The following GATD3 variants were observed in gnomAD, a reference collection of about 807,000 sequenced individuals.
GATD3 encodes the protein glutamine amidotransferase class 1 domain containing 3.
chr21:44,143,984 C>T, the GATD3 span, among the ~76,000 whole-genome samples: 40 of 59,262 alleles, frequency 6.7e-4, 18 homozygotes, highest in Non-Finnish European at 1.9e-3. Flanking sequence ...GAGGGAGGCT[C>T]CTGGAAGGCC....
At chr21:44,141,411 AAC>A in the GATD3 span, 1 of 20,006 alleles carries the variant, frequency 5.0e-5, no homozygotes, top group East Asian at 2.2e-3. Flanking sequence ...ATCTCGATGA[AAC>A]AAGACAGCCC....
At chr21:44,144,216 A>G in the GATD3 span, among the ~76,000 whole-genome samples, 9 of 60,154 alleles carry the variant, frequency 1.5e-4, 3 homozygotes, top group African/African-American at 3.7e-4. Context: ...GCAGGAGCGC[A>G]GTGCAAGGCT....
the GATD3 span, among the ~76,000 whole-genome samples, chr21:44,139,406 C>CT: frequency 2.8e-5 from 1 of 35,684 alleles, no homozygotes; most frequent in African/African-American, 5.6e-5. Flanking sequence ...GACTGCGTTT[C>CT]TTTTTTTGGG....
At chr21:44,139,634 T>C in the GATD3 span, among the ~76,000 whole-genome samples, 6 of 73,970 alleles carry the variant, frequency 8.1e-5, 3 homozygotes, top group Non-Finnish European at 2.7e-4. Context: ...TCCCCAAAAC[T>C]GCCCTCTGAC....
chr21:44,144,133 A>G, the GATD3 span, among the ~76,000 whole-genome samples: 6 of 55,302 alleles, frequency 1.1e-4, 1 homozygote. Context: ...GTTCCTCTCA[A>G]TGGGGCAGCT....
chr21:44,139,618 G>T, the GATD3 span, among the ~76,000 whole-genome samples: 2 of 73,818 alleles, frequency 2.7e-5, 1 homozygote, highest in African/African-American at 5.9e-5. Context: ...CGGGTTGAGG[G>T]CTCCGTCCCC....
chr21:44,142,973 C>T, the GATD3 span, among the ~76,000 whole-genome samples: 1 of 21,796 alleles, frequency 4.6e-5, no homozygotes, highest in African/African-American at 8.0e-5. Context: ...GCTTGAGTGC[C>T]TGCAGGGCGT....
chr21:44,137,973 C>T, the GATD3 span, among the ~76,000 whole-genome samples: 1 of 18,122 alleles, frequency 5.5e-5, no homozygotes, highest in African/African-American at 1.0e-4. Flanking sequence ...CCTGAGCCAC[C>T]GCGCCTGGCC....
At chr21:44,144,159 G>GCTTCAGACGTCAGGCCC in the GATD3 span, among the ~76,000 whole-genome samples, 7 of 56,360 alleles carry the variant, frequency 1.2e-4, 3 homozygotes, top group Admixed American at 1.0e-3. Flanking sequence ...CTCACAGGCA[G>GCTTCAGACGTCAGGCCC]CTTCAGACGT....
chr21:44,137,889 T>C, the GATD3 span, among the ~76,000 whole-genome samples: 2 of 34,332 alleles, frequency 5.8e-5, 1 homozygote, highest in African/African-American at 1.2e-4. Context: ...TTTGGCCATG[T>C]ATGTAGCCCA....
the GATD3 span, among the ~76,000 whole-genome samples, chr21:44,144,167 C>T: frequency 3.5e-5 from 2 of 56,540 alleles, 1 homozygote; most frequent in African/African-American, 9.2e-5. Context: ...CAGCTTCAGA[C>T]GTCAGGCCCC....
At chr21:44,141,929 G>T in the GATD3 span, among the ~76,000 whole-genome samples, 3 of 43,694 alleles carry the variant, frequency 6.9e-5, 1 homozygote, top group Non-Finnish European at 1.1e-4. Context: ...GCGGCAGGGG[G>T]GTTTCATCTC....
At chr21:44,144,058 C>T in the GATD3 span, among the ~76,000 whole-genome samples, 3 of 55,124 alleles carry the variant, frequency 5.4e-5, 1 homozygote, top group African/African-American at 1.3e-4. Flanking sequence ...TCCGGGGTGC[C>T]GGAAGGCACT....
At chr21:44,139,713 C>G in the GATD3 span, among the ~76,000 whole-genome samples, 8 of 80,264 alleles carry the variant, frequency 1.0e-4, 2 homozygotes, top group Middle Eastern at 6.3e-3. Flanking sequence ...CCCACAACCC[C>G]GTTTGCTGGC....
At chr21:44,142,048 G>A in the GATD3 span, among the ~76,000 whole-genome samples, 2 of 37,036 alleles carry the variant, frequency 5.4e-5, 1 homozygote, top group Non-Finnish European at 1.3e-4. Flanking sequence ...TGCAACCTCC[G>A]CCTCCCGGGG....
chr21:44,144,341 C>T, the GATD3 span, among the ~76,000 whole-genome samples: 2 of 68,728 alleles, frequency 2.9e-5, no homozygotes, highest in African/African-American at 6.5e-5. Flanking sequence ...TGTGGCTGGC[C>T]GGCCCCAGTT....
At chr21:44,143,803 CAGG>C in the GATD3 span, among the ~76,000 whole-genome samples, 2 of 42,772 alleles carry the variant, frequency 4.7e-5, 1 homozygote, top group Non-Finnish European at 1.3e-4. Flanking sequence ...GCCGGGTGTG[CAGG>C]AGAAGGGGCT....
At chr21:44,140,168 G>T in the GATD3 span, 1 of 45,774 alleles carries the variant, frequency 2.2e-5, no homozygotes, top group Admixed American at 3.0e-4. Context: ...CTGACTGAGG[G>T]TCTGGAGCTG....
At chr21:44,141,868 C>A in the GATD3 span, among the ~76,000 whole-genome samples, 1 of 18,680 alleles carries the variant, frequency 5.4e-5, no homozygotes, top group African/African-American at 1.4e-4. Context: ...CTGCACGCAG[C>A]GTCGGGAGCT....
Sources: gnomAD v4.1 joint callset for allele counts (sites outside exome capture counted in the v4.1 genomes callset) on GRCh38, gnomAD v4.1.1 for gene constraint, MANE v1.5 for transcripts, NCBI Gene and HGNC (gene_info 2026-07-23, HGNC 2026-07-21) for gene names.